Variants in RABEP1 observed in about 807,000 individuals in gnomAD.
The protein encoded by RABEP1 is rab GTPase-binding effector protein 1.
RABEP1 carries 51 observed loss-of-function variants against 123.4 expected under a neutral mutation model. That is an observed-to-expected ratio of 0.41 (90% CI 0.33 to 0.52). RABEP1 has a LOEUF of 0.52. Among genes scored for constraint, RABEP1 ranks in the 20% least tolerant of loss-of-function variants. The pLI, the probability that RABEP1 is intolerant of heterozygous loss-of-function variation, is 0.16. For synonymous variants in RABEP1, 347 were observed against 355.2 expected (o/e 0.98, Z 0.26); for missense variants, 888 against 996.3 (o/e 0.89, Z 1.46).
At chr17:5,297,529 C>T (rs1274220569) in intron 1 of RABEP1, among the ~76,000 whole-genome samples, 1 of 152,166 alleles carries the variant, frequency 6.6e-6, no homozygotes, top group Non-Finnish European at 1.5e-5. Flanking sequence ...GTGTTTGAAT[C>T]CAGCTCTGCT....
At chr17:5,380,820 A>G (rs531875283) in intron 16 of RABEP1, among the ~76,000 whole-genome samples, 15 of 152,356 alleles carry the variant, frequency 9.8e-5, no homozygotes, top group African/African-American at 3.6e-4. Flanking sequence ...TGCTGCCTAA[A>G]TTTTGATGAG....
At chr17:5,301,592 G>GTTACT (rs1378027929) in intron 1 of RABEP1, among the ~76,000 whole-genome samples, 1 of 152,078 alleles carries the variant, frequency 6.6e-6, no homozygotes, top group Non-Finnish European at 1.5e-5. Flanking sequence ...AATGTCAGTA[G>GTTACT]AACTAAGCAA....
chr17:5,378,601 ACAT>A (rs1017188815), intron 15 of RABEP1: 2 of 299,740 alleles, frequency 6.7e-6, no homozygotes, highest in Non-Finnish European at 1.3e-5. Context: ...GTCCTCTTAG[ACAT>A]CATTAGTTCC....
intron 1 of RABEP1, among the ~76,000 whole-genome samples, chr17:5,299,714 C>CTTTTTTTTTTT (rs2075115944): frequency 9.7e-6 from 1 of 103,228 alleles, no homozygotes; most frequent in African/African-American, 3.5e-5. Context: ...TTCTTTTTTT[C>CTTTTTTTTTTT]TTTTCTTTTT....
At chr17:5,347,068 C>A in intron 6 of RABEP1, 143 bp downstream of exon 6, 1 of 689,306 alleles carries the variant, frequency 1.5e-6, no homozygotes, top group Non-Finnish European at 2.1e-6. Context: ...TTTAAATGTA[C>A]TCATGCAAAG....
At chr17:5,323,574 C>A (rs538197220) in intron 2 of RABEP1, among the ~76,000 whole-genome samples, 37 of 151,460 alleles carry the variant, frequency 2.4e-4, no homozygotes, top group African/African-American at 7.7e-4. Context: ...AAAAAGAAAT[C>A]AAAGCAATCT....
rs779859289 is a variant in RABEP1 at position 5,338,109 on chromosome 17, G to A, written c.619G>A (p.Asp207Asn). Reference sequence around the variant, plus strand: ...GAAGGATAAACTGACAGAGGCTGAAGACAAAATTAAAGAGCTGGAGGCCTC... The same window carrying A: ...GAAGGATAAACTGACAGAGGCTGAAAACAAAATTAAAGAGCTGGAGGCCTC... ...ALKDKLTEAE[D>N]KIKELEASKV... is the part of the protein sequence containing the mutation. The change falls in exon 5 of 18, where the codon GAC (aspartate) becomes AAC (asparagine). Residue 207 changes from aspartate to asparagine, a missense_variant. By Grantham distance (23) the Asp-to-Asn change is conservative. Transcript: ENST00000537505. 3.7e-6 allele frequency: 6 copies of A among 1,613,406 alleles called. No individual in the cohort carries two copies. Among genetic ancestry groups the A allele is most frequent in the Non-Finnish European group, 4.2e-6 (5 of 1,179,570 alleles).
intron 8 of RABEP1, 71 bp from the exon 9 acceptor site, chr17:5,361,137 T>C (rs950601349): frequency 7.6e-7 from 1 of 1,313,448 alleles, no homozygotes; most frequent in South Asian, 1.4e-5. Context: ...GCGGAATACA[T>C]TTATTATAGT....
At chr17:5,350,381 A>G in intron 6 of RABEP1, 70 bp from the exon 7 acceptor site, 2 of 1,465,728 alleles carry the variant, frequency 1.4e-6, no homozygotes, top group South Asian at 1.3e-5. Flanking sequence ...CTCCATCTCA[A>G]AAAAAAAAAG....
chr17:5,282,432 GC>G lies in RABEP1; in HGVS notation c.-52del. The G allele has an allele frequency of 7.7e-7, 1 of 1,291,730 alleles. No homozygotes were observed. The highest frequency in any genetic ancestry group is 1.0e-6 in the Non-Finnish European group (1 of 988,504). The allele number at this position is 1,291,730 out of a possible 1,614,324, so 80.0% of individuals were successfully genotyped here. ...TCCTCCGCCAGCTGAGCCCGCGGGA[GC>G]CCAGGACGCCGCTTCCCCGCCCATC... On this transcript the variant is annotated 5_prime_UTR_variant, in exon 1 of 18. Transcript: ENST00000537505.
chr17:5,379,615 C>A (rs1195907786), intron 15 of RABEP1, among the ~76,000 whole-genome samples: 3 of 152,114 alleles, frequency 2.0e-5, no homozygotes, highest in Admixed American at 6.6e-5. Flanking sequence ...TACCAGCGCT[C>A]GAAATAACAT....
intron 5 of RABEP1, 52 bp from the exon 6 acceptor site, chr17:5,346,738 A>T: frequency 7.1e-7 from 1 of 1,416,430 alleles, no homozygotes; most frequent in Non-Finnish European, 9.4e-7. Flanking sequence ...TTCTGTATCT[A>T]AGATAGAAAC....
chr17:5,360,588 G>C (rs529274154), intron 8 of RABEP1, among the ~76,000 whole-genome samples: 1 of 152,114 alleles, frequency 6.6e-6, no homozygotes, highest in Non-Finnish European at 1.5e-5. Context: ...CTACGTTCTC[G>C]TCATTTCCTT....
intron 15 of RABEP1, 101 bp from the exon 16 acceptor site, chr17:5,380,263 C>T (rs1038230585): frequency 5.3e-5 from 38 of 717,696 alleles, no homozygotes; most frequent in Non-Finnish European, 7.8e-5. Context: ...CAGTGTAGCC[C>T]GAGTGTCTTG....
At chr17:5,319,754 C>G (rs916780469) in intron 2 of RABEP1, among the ~76,000 whole-genome samples, 5 of 152,008 alleles carry the variant, frequency 3.3e-5, no homozygotes, top group African/African-American at 1.2e-4. Flanking sequence ...CTGGAAAATT[C>G]ATCAGAGGCT....
At chr17:5,369,142 A>G (rs373390828) in intron 12 of RABEP1, among the ~76,000 whole-genome samples, 1 of 152,022 alleles carries the variant, frequency 6.6e-6, no homozygotes, top group Non-Finnish European at 1.5e-5. Context: ...TTAGTTTCAC[A>G]GGGGTTATGA....
chr17:5,319,436 G>A (rs537160601), intron 2 of RABEP1, among the ~76,000 whole-genome samples: 12 of 151,532 alleles, frequency 7.9e-5, no homozygotes, highest in East Asian at 2.0e-4. Flanking sequence ...CCGCAATCTC[G>A]GCTCACTGCA....
At chr17:5,287,174 A>C (rs1335529339) in intron 1 of RABEP1, among the ~76,000 whole-genome samples, 1 of 152,194 alleles carries the variant, frequency 6.6e-6, no homozygotes, top group African/African-American at 2.4e-5. Context: ...GAAGTATTGC[A>C]AAGATTGGTT....
intron 13 of RABEP1, 96 bp from the exon 14 acceptor site, chr17:5,377,020 A>T: frequency 1.5e-6 from 2 of 1,320,458 alleles, no homozygotes; most frequent in Non-Finnish European, 2.1e-6. Context: ...TTGAACCATT[A>T]AAACAACATC....
Sources: gnomAD v4.1 joint callset for allele counts (sites outside exome capture counted in the v4.1 genomes callset) on GRCh38, gnomAD v4.1.1 for gene constraint, MANE v1.5 for transcripts, NCBI Gene and HGNC (gene_info 2026-07-23, HGNC 2026-07-21) for gene names.